NFYC: variants seen among roughly 807,000 people sequenced by gnomAD.
NFYC encodes CAAT box DNA-binding protein subunit C.
Under a neutral mutation model 53.1 loss-of-function variants are expected in NFYC, and 25 were observed. That is an observed-to-expected ratio of 0.47 (90% CI 0.34 to 0.66). The LOEUF is 0.66. NFYC is among the 30% of genes least tolerant of loss of function. The pLI, the probability that NFYC is intolerant of heterozygous loss-of-function variation, is 0.01. For missense variants in NFYC, 260 were observed against 422.7 expected, an observed-to-expected ratio of 0.62 and a Z score of 3.38; for synonymous variants, 145 against 152.6, an observed-to-expected ratio of 0.95 and a Z score of 0.37.
At chr1:40,698,764 A>G (rs888534136) in intron 1 of NFYC, among the ~76,000 whole-genome samples, 2 of 152,166 alleles carry the variant, frequency 1.3e-5, no homozygotes, top group Non-Finnish European at 2.9e-5. Flanking sequence ...GTTAAAGTCA[A>G]TTGTATATTC....
At chr1:40,738,815 T>G (rs1645189847) in intron 1 of NFYC, 21 bp from the exon 2 acceptor site, 1 of 1,549,066 alleles carries the variant, frequency 6.5e-7, no homozygotes, top group Non-Finnish European at 8.9e-7. Flanking sequence ...TAATGTGTCT[T>G]ATGTATGTGT....
rs1344417478 is a variant in NFYC, at chr1:40,769,411, G to C, written c.884G>C (p.Gly295Ala). Residue 295 changes from glycine to alanine, a missense_variant, in exon 9 of 10, where the codon GGA becomes GCA. Physicochemically the swap from Gly to Ala is moderately conservative, Grantham distance 60 (BLOSUM62 0). Coordinates refer to ENST00000447388, the MANE Select transcript of NFYC (RefSeq NM_014223.5). ...CAGCAGTTCAGCCAGTTCACAGATG[G>C]ACAGGTAGGGTACCCAACCTGGGCT... is the stretch of plus-strand genomic sequence containing the variant. Reference protein sequence around the residue: ...GQQQFSQFTDGQQLYQIQQVT... With the variant: ...GQQQFSQFTDAQQLYQIQQVT... 1 of 1,613,974 alleles carries C rather than the reference G, an allele frequency of 6.2e-7. No individual in the cohort carries two copies. Among genetic ancestry groups the C allele is most frequent in the African/African-American group, 1.3e-5 (1 of 74,904 alleles).
chr1:40,697,827 A>G (rs114392351), intron 1 of NFYC, among the ~76,000 whole-genome samples: 4 of 152,294 alleles, frequency 2.6e-5, no homozygotes, highest in Non-Finnish European at 5.9e-5. Flanking sequence ...CACCCTTCCC[A>G]CACTTCTCCA....
chr1:40,748,221 T>C (rs1335728484), intron 3 of NFYC, among the ~76,000 whole-genome samples: 1 of 152,106 alleles, frequency 6.6e-6, no homozygotes, highest in African/African-American at 2.4e-5. Context: ...AGCCTTCACC[T>C]CCCAGGCTTA....
intron 1 of NFYC, among the ~76,000 whole-genome samples, chr1:40,713,349 T>TA (rs1644006945): frequency 6.6e-6 from 1 of 152,264 alleles, no homozygotes; most frequent in South Asian, 2.1e-4. Context: ...GCAAAATTGA[T>TA]ACTGACTTTA....
intron 4 of NFYC, among the ~76,000 whole-genome samples, chr1:40,750,926 G>A (rs1645878957): frequency 6.6e-6 from 1 of 152,128 alleles, no homozygotes; most frequent in Non-Finnish European, 1.5e-5. Flanking sequence ...TGGAGTGTCT[G>A]AAACTCATAT....
At chr1:40,758,928 G>C (rs775791219) in intron 6 of NFYC, among the ~76,000 whole-genome samples, 2 of 152,184 alleles carry the variant, frequency 1.3e-5, no homozygotes. Flanking sequence ...CATCCTCTGA[G>C]GGTAAAGTTC....
intron 1 of NFYC, among the ~76,000 whole-genome samples, chr1:40,718,640 T>C (rs1179838400): frequency 6.6e-6 from 1 of 152,254 alleles, no homozygotes; most frequent in East Asian, 1.9e-4. Flanking sequence ...TACCAGTATT[T>C]TGGAAATTGT....
intron 1 of NFYC, among the ~76,000 whole-genome samples, chr1:40,732,350 A>C (rs1204712354): frequency 6.6e-6 from 1 of 152,222 alleles, no homozygotes; most frequent in Non-Finnish European, 1.5e-5. Flanking sequence ...ATTTTGATAC[A>C]TCCTGTTGTT....
intron 1 of NFYC, among the ~76,000 whole-genome samples, chr1:40,731,013 A>G (rs2148544772): frequency 6.6e-6 from 1 of 152,210 alleles, no homozygotes; most frequent in East Asian, 1.9e-4. Context: ...TGCATCCCGA[A>G]TATGTGCATG....
At chr1:40,755,085 A>G (rs1646137568) in intron 5 of NFYC, among the ~76,000 whole-genome samples, 2 of 152,158 alleles carry the variant, frequency 1.3e-5, no homozygotes, top group Non-Finnish European at 2.9e-5. Context: ...GGCACCTCCT[A>G]AAGTCCTTTA....
intron 1 of NFYC, among the ~76,000 whole-genome samples, chr1:40,693,106 A>C (rs1224040501): frequency 6.6e-6 from 1 of 152,214 alleles, no homozygotes; most frequent in African/African-American, 2.4e-5. Context: ...TATGTGCCTA[A>C]AAAGTATACC....
At chr1:40,723,546 G>C (rs1193601048) in intron 1 of NFYC, 1 of 152,222 alleles carries the variant, frequency 6.6e-6, no homozygotes, top group African/African-American at 2.4e-5. Flanking sequence ...ACAGTTGTGT[G>C]ATCTAGGACC....
intron 5 of NFYC, 71 bp downstream of exon 5, chr1:40,753,317 TTC>T (rs1646020522): frequency 9.9e-7 from 1 of 1,011,408 alleles, no homozygotes; most frequent in Non-Finnish European, 1.6e-6. Context: ...GATACGCTCC[TTC>T]TCTCTCAGCA....
chr1:40,715,600 G>A (rs1162111365), intron 1 of NFYC, among the ~76,000 whole-genome samples: 3 of 151,922 alleles, frequency 2.0e-5, no homozygotes, highest in East Asian at 3.9e-4. Context: ...TCTTTATAAC[G>A]TGGTCAGATT....
chr1:40,747,687 T>C, intron 3 of NFYC, 82 bp downstream of exon 3: 1 of 904,148 alleles, frequency 1.1e-6, no homozygotes, highest in Non-Finnish European at 1.7e-6. Flanking sequence ...GAGCTCAAAG[T>C]TTAATTAAAC....
chr1:40,702,369 G>A (rs1018336333), intron 1 of NFYC, among the ~76,000 whole-genome samples: 1 of 142,322 alleles, frequency 7.0e-6, no homozygotes, highest in Non-Finnish European at 1.5e-5. Flanking sequence ...TCGAGAGGGA[G>A]TCTCTCTTTG....
chr1:40,700,896 C>A (rs950722530), intron 1 of NFYC, among the ~76,000 whole-genome samples: 4 of 152,102 alleles, frequency 2.6e-5, no homozygotes, highest in African/African-American at 9.7e-5. Flanking sequence ...TGCCATCCTC[C>A]CACTGTGTCC....
intron 1 of NFYC, among the ~76,000 whole-genome samples, chr1:40,716,154 G>A (rs540483496): frequency 6.6e-6 from 1 of 152,232 alleles, no homozygotes; most frequent in Admixed American, 6.5e-5. Flanking sequence ...TCTTTTTTGT[G>A]GAGACTTTAA....
Sources: gnomAD v4.1 joint callset for allele counts (sites outside exome capture counted in the v4.1 genomes callset) on GRCh38, gnomAD v4.1.1 for gene constraint, MANE v1.5 for transcripts, NCBI Gene and HGNC (gene_info 2026-07-23, HGNC 2026-07-21) for gene names.